MAPK4: variants seen among roughly 807,000 people sequenced by gnomAD.
MAPK4 encodes the protein mitogen-activated protein kinase 4, also known as Erk3-related.
MAPK4 carries 22 observed loss-of-function variants against 47.7 expected under a neutral mutation model. That is an observed-to-expected ratio of 0.46 (90% CI 0.33 to 0.66). The LOEUF (loss-of-function observed/expected upper bound fraction) is 0.66. Among genes scored for constraint, MAPK4 ranks in the 30% least tolerant of loss-of-function variants. MAPK4 has a pLI of 0.02. For synonymous variants in MAPK4, 390 were observed against 365.7 expected, an observed-to-expected ratio of 1.07 and a Z score of -0.76; for missense variants, 736 against 831.7, an observed-to-expected ratio of 0.88 and a Z score of 1.42.
intron 1 of MAPK4, among the ~76,000 whole-genome samples, chr18:50,578,206 C>T (rs750082232): frequency 6.6e-6 from 1 of 152,154 alleles, no homozygotes; most frequent in African/African-American, 2.4e-5. Context: ...ACTGCGAGCG[C>T]TCAGCTATCC....
rs1002718826 is a variant in MAPK4 at position 50,678,546 on chromosome 18, G to A, written c.546+14042G>A. On this transcript the variant is annotated intron_variant, in intron 2 of 5. Transcript: ENST00000400384. The surrounding 1 kb of genome is among the most constrained non-coding windows in gnomAD (Gnocchi z 4.2). ...TCTTCCCAGAGGTGTTCACTCAAGG[G>A]TCCACCAGCGACTTCCCTGTTCAGG... 6.6e-6 allele frequency among the ~76,000 whole-genome samples: 1 copy of A among 152,154 alleles called. No individual in the cohort carries two copies. The highest frequency in any genetic ancestry group is 1.5e-5 in the Non-Finnish European group (1 of 68,034).
chr18:50,677,558 T>TG (rs1568076652), intron 2 of MAPK4, among the ~76,000 whole-genome samples: 5 of 151,542 alleles, frequency 3.3e-5, no homozygotes, highest in African/African-American at 9.7e-5. Flanking sequence ...TGTAAGGTTT[T>TG]TTTTTGTTGT....
chr18:50,665,097 G>A (rs968564391), intron 2 of MAPK4, among the ~76,000 whole-genome samples: 2 of 152,234 alleles, frequency 1.3e-5, no homozygotes, highest in African/African-American at 4.8e-5. Context: ...TTCTCAGTGT[G>A]ATGTGAAAGC....
intron 1 of MAPK4, among the ~76,000 whole-genome samples, chr18:50,655,134 G>A (rs1344936455): frequency 1.3e-5 from 2 of 152,170 alleles, no homozygotes; most frequent in Non-Finnish European, 2.9e-5. Flanking sequence ...AAACCGTATT[G>A]AGGGAAACAC....
chr18:50,674,989 C>T (rs1339820319), intron 2 of MAPK4, among the ~76,000 whole-genome samples: 3 of 152,170 alleles, frequency 2.0e-5, no homozygotes, highest in East Asian at 3.9e-4. Context: ...CTCTAAATCT[C>T]GGTAGGCTAG....
chr18:50,584,675 G>A (rs10432161), intron 1 of MAPK4, among the ~76,000 whole-genome samples: 37,657 of 152,030 alleles, frequency 0.25, 4,750 homozygotes, highest in South Asian at 0.31. Context: ...TCTCTCTACC[G>A]CCTATGACAG....
chr18:50,585,401 G>A (rs1438434187), intron 1 of MAPK4, among the ~76,000 whole-genome samples: 1 of 152,180 alleles, frequency 6.6e-6, no homozygotes, highest in Non-Finnish European at 1.5e-5. Context: ...TCTGCTAGGT[G>A]CCAGGTGGGG....
In MAPK4 at chr18:50,637,551, T is replaced by C. The variant is rs151210980; in HGVS notation, c.-870-25538T>C. Among the ~76,000 whole-genome samples the C allele has an allele frequency of 3.8e-3, 575 of 152,338 alleles. 2 individuals are homozygous for C. The highest frequency in any genetic ancestry group is 4.8e-3 in the Non-Finnish European group (324 of 68,026). ...GCCTGACTCTGCCACTTGTCAGCAG[T>C]GTGGCCCCAGCCAGGCTACTTCTAT... On this transcript the variant is annotated intron_variant, in intron 1 of 5. Coordinates refer to ENST00000400384, the MANE Select transcript of MAPK4 (RefSeq NM_002747.4).
At chr18:50,688,192 A>G (rs1908998817) in intron 2 of MAPK4, among the ~76,000 whole-genome samples, 1 of 152,202 alleles carries the variant, frequency 6.6e-6, no homozygotes, top group South Asian at 2.1e-4. Flanking sequence ...TGGAGATTGC[A>G]AAAGCTCTCT....
intron 2 of MAPK4, among the ~76,000 whole-genome samples, chr18:50,690,128 C>T (rs1909130058): frequency 6.6e-6 from 1 of 152,320 alleles, no homozygotes; most frequent in Admixed American, 6.5e-5. Flanking sequence ...CAGGCTGGCT[C>T]TCCTGCCAGG....
At chr18:50,570,093 C>T (rs1271079960) in intron 1 of MAPK4, among the ~76,000 whole-genome samples, 1 of 152,248 alleles carries the variant, frequency 6.6e-6, no homozygotes, top group Non-Finnish European at 1.5e-5. Flanking sequence ...TCACTGCTGG[C>T]AGGAGGTGGG....
chr18:50,729,318 G>A lies in MAPK4; in HGVS notation c.1228G>A (p.Glu410Lys), dbSNP rs1408840127. 3.7e-6 allele frequency: 6 copies of A among 1,601,526 alleles called. No individual in the cohort carries two copies. The highest frequency in any genetic ancestry group is 5.1e-6 in the Non-Finnish European group (6 of 1,173,828). Residue 410 changes from glutamate to lysine, a missense_variant, in exon 6 of 6, where the codon GAG becomes AAG. Transcript: ENST00000400384. Reference sequence around the variant, plus strand: ...GCACAGCAGCTCCGAGCGCTTCCTAGAGCAGTCGCACTCGTCCATGGAGCG... The same window carrying A: ...GCACAGCAGCTCCGAGCGCTTCCTAAAGCAGTCGCACTCGTCCATGGAGCG... ...DSHSSSERFL[E>K]QSHSSMERAF...
intron 1 of MAPK4, among the ~76,000 whole-genome samples, chr18:50,633,139 A>G (rs7241717): frequency 0.37 from 56,234 of 152,042 alleles, 10,708 homozygotes; most frequent in African/African-American, 0.45. Flanking sequence ...AAGAATCAGC[A>G]CAGCTCTTGT....
chr18:50,726,738 T>A (rs1305998367), intron 5 of MAPK4, among the ~76,000 whole-genome samples: 1 of 147,734 alleles, frequency 6.8e-6, no homozygotes, highest in East Asian at 2.0e-4. Context: ...TCTCTACAAA[T>A]TTTTTTTTTT....
intron 1 of MAPK4, among the ~76,000 whole-genome samples, 192 bp downstream of exon 1, chr18:50,560,435 G>C (rs921424531): frequency 2.6e-5 from 4 of 152,122 alleles, no homozygotes; most frequent in Middle Eastern, 3.4e-3. Context: ...GGTCTCCCGC[G>C]GGACCCGCCC....
chr18:50,687,974 T>A (rs1055332000), intron 2 of MAPK4, among the ~76,000 whole-genome samples: 3 of 152,050 alleles, frequency 2.0e-5, no homozygotes, highest in African/African-American at 7.2e-5. Flanking sequence ...CGAGGCTGGG[T>A]ACTGAGAACA....
chr18:50,673,019 G>A (rs1908045903), intron 2 of MAPK4, among the ~76,000 whole-genome samples: 1 of 152,206 alleles, frequency 6.6e-6, no homozygotes. Flanking sequence ...GCTCACGCCT[G>A]TAATCCCAAC....
intron 2 of MAPK4, among the ~76,000 whole-genome samples, chr18:50,675,813 G>A (rs1459100506): frequency 6.6e-6 from 1 of 152,118 alleles, no homozygotes; most frequent in Non-Finnish European, 1.5e-5. Flanking sequence ...TTTTAGTAGA[G>A]ACGGGGTTTC....
intron 1 of MAPK4, among the ~76,000 whole-genome samples, chr18:50,571,299 C>T (rs1468313771): frequency 6.6e-6 from 1 of 152,192 alleles, no homozygotes; most frequent in African/African-American, 2.4e-5. Context: ...AATTCGATTT[C>T]AGTAACTGTC....
Sources: gnomAD v4.1 joint callset for allele counts (sites outside exome capture counted in the v4.1 genomes callset) on GRCh38, gnomAD v4.1.1 for gene constraint, Gnocchi (gnomAD v3.1) non-coding constraint, MANE v1.5 for transcripts, NCBI Gene and HGNC (gene_info 2026-07-23, HGNC 2026-07-21) for gene names.